BTG4: variants seen among roughly 807,000 people sequenced by gnomAD.
BTG4 encodes BTG anti-proliferation factor 4.
BTG4 carries 10 observed loss-of-function variants against 19.3 expected under a neutral mutation model. That is an observed-to-expected ratio of 0.52 (90% CI 0.32 to 0.88). The LOEUF is 0.88. Ranked by LOEUF, BTG4 falls within the 40% of genes least tolerant of loss-of-function variation. The pLI, the probability that BTG4 is intolerant of heterozygous loss-of-function variation, is 0.04. For missense variants in BTG4, 238 were observed against 281.9 expected (o/e 0.84, Z 1.11); for synonymous variants, 91 against 95.7 (o/e 0.95, Z 0.29).
chr11:111,499,868 G>A (rs763677480), intron 1 of BTG4, among the ~76,000 whole-genome samples: 32 of 152,056 alleles, frequency 2.1e-4, no homozygotes, highest in African/African-American at 6.0e-4. Context: ...TTGGCCAGGC[G>A]CGGTGGCTCA....
At chr11:111,449,278 A>G in the BTG4 span, 4,791 of 152,130 alleles carry the variant, frequency 0.031, 102 homozygotes, top group Admixed American at 0.049. Flanking sequence ...ACCACAACGA[A>G]GTATTAACCA....
At chr11:111,455,000 G>T in the BTG4 span, 1 of 456,366 alleles carries the variant, frequency 2.2e-6, no homozygotes, top group Non-Finnish European at 4.4e-6. Context: ...GGTGAAGCCC[G>T]TTCTCTCCAG....
upstream of BTG4, among the ~76,000 whole-genome samples, chr11:111,512,506 G>T (rs1055042809): frequency 3.9e-5 from 6 of 152,262 alleles, no homozygotes; most frequent in East Asian, 3.9e-4. Flanking sequence ...AGAGCGGCGG[G>T]GCGCACGGGG....
chr11:111,402,989 T>C, the BTG4 span, among the ~76,000 whole-genome samples: 13 of 152,292 alleles, frequency 8.5e-5, no homozygotes, highest in African/African-American at 2.6e-4. Context: ...GAACATTAAA[T>C]GGGAGCCCCA....
At chr11:111,459,636 C>T in the BTG4 span, 1 of 152,690 alleles carries the variant, frequency 6.5e-6, no homozygotes, top group African/African-American at 2.4e-5. Context: ...GATGCGCTAT[C>T]CTGGGACAGA....
At chr11:111,488,185 G>A (rs1254921057) in intron 5 of BTG4, among the ~76,000 whole-genome samples, 6 of 152,124 alleles carry the variant, frequency 3.9e-5, no homozygotes, top group South Asian at 2.1e-4. Flanking sequence ...AAGGAATTAT[G>A]TAACCTGACT....
At chr11:111,389,209 T>C in the BTG4 span, among the ~76,000 whole-genome samples, 1 of 152,196 alleles carries the variant, frequency 6.6e-6, no homozygotes, top group East Asian at 1.9e-4. Flanking sequence ...CTACCACTTC[T>C]GTAATTTGGT....
intron 5 of BTG4, among the ~76,000 whole-genome samples, chr11:111,489,617 A>G (rs1247688649): frequency 6.6e-6 from 1 of 152,222 alleles, no homozygotes; most frequent in Non-Finnish European, 1.5e-5. Context: ...AAAGAATAAA[A>G]TCTTTCATAA....
the BTG4 span, among the ~76,000 whole-genome samples, chr11:111,428,631 C>T: frequency 1.3e-5 from 2 of 152,198 alleles, no homozygotes; most frequent in African/African-American, 4.8e-5. Flanking sequence ...AGCCCTAGGA[C>T]ACAAAGCTCA....
the BTG4 span, among the ~76,000 whole-genome samples, chr11:111,428,172 A>C: frequency 6.6e-6 from 1 of 152,206 alleles, no homozygotes; most frequent in Admixed American, 6.5e-5. Context: ...CTGTCCTGAA[A>C]TATCTGGGAT....
chr11:111,467,872 C>G (rs532737512), intron 5 of BTG4, among the ~76,000 whole-genome samples: 46 of 152,282 alleles, frequency 3.0e-4, no homozygotes, highest in African/African-American at 1.0e-3. Context: ...AGCATAATAG[C>G]TTGGTGCCCT....
chr11:111,467,594 C>G lies in BTG4; in HGVS notation c.*78G>C, dbSNP rs139024566. 1.3e-5 allele frequency: 9 copies of G among 713,022 alleles called. No homozygotes were observed. The African/African-American group carries it at 1.6e-4, about 13-fold the overall frequency. The allele number at this position is 713,022 out of a possible 1,614,324, so 44.2% of individuals were successfully genotyped here. On this transcript the variant is annotated 3_prime_UTR_variant, in exon 6 of 6. Coordinates refer to the BTG4 transcript ENST00000356018. ...ACCCTGAAGATTTCTTCTCATCTTC[C>G]TGCCATGGAAGCCCAAGGCAGTGCC... is the stretch of plus-strand genomic sequence containing the variant.
At chr11:111,500,933 C>T (rs1173297745) in intron 1 of BTG4, among the ~76,000 whole-genome samples, 4 of 152,020 alleles carry the variant, frequency 2.6e-5, no homozygotes, top group African/African-American at 9.7e-5. Context: ...GCATTAAGAT[C>T]GGATAGACCT....
At chr11:111,441,373 C>T in the BTG4 span, among the ~76,000 whole-genome samples, 21 of 151,726 alleles carry the variant, frequency 1.4e-4, no homozygotes, top group African/African-American at 4.8e-4. Flanking sequence ...GCATCAGCAG[C>T]GGCTCCTCCG....
intron 5 of BTG4, among the ~76,000 whole-genome samples, chr11:111,484,126 T>C (rs1864906699): frequency 6.6e-6 from 1 of 152,058 alleles, no homozygotes; most frequent in Admixed American, 6.6e-5. Context: ...TCTAGCAGAA[T>C]TATTCTTCAA....
At chr11:111,438,327 C>G in the BTG4 span, among the ~76,000 whole-genome samples, 1 of 152,212 alleles carries the variant, frequency 6.6e-6, no homozygotes, top group Non-Finnish European at 1.5e-5. Context: ...TCCCCACAGC[C>G]CCTGAGACAC....
the BTG4 span, among the ~76,000 whole-genome samples, chr11:111,403,909 C>T: frequency 6.6e-6 from 1 of 152,100 alleles, no homozygotes; most frequent in African/African-American, 2.4e-5. Flanking sequence ...GTATTATGTA[C>T]CAGTCAGGAT....
the BTG4 span, among the ~76,000 whole-genome samples, chr11:111,394,979 G>T: frequency 1.3e-5 from 2 of 152,188 alleles, no homozygotes; most frequent in African/African-American, 2.4e-5. Flanking sequence ...CATTTTATTA[G>T]AACGTATTCC....
At chr11:111,453,058 C>G in the BTG4 span, among the ~76,000 whole-genome samples, 1 of 152,202 alleles carries the variant, frequency 6.6e-6, no homozygotes. Flanking sequence ...ATGACTGGAG[C>G]TGAGGTGTGA....
Sources: gnomAD v4.1 joint callset for allele counts (sites outside exome capture counted in the v4.1 genomes callset) on GRCh38, gnomAD v4.1.1 for gene constraint, MANE v1.5 for transcripts, NCBI Gene and HGNC (gene_info 2026-07-23, HGNC 2026-07-21) for gene names.